The following TP53I13 variants were observed in gnomAD, a reference collection of about 807,000 sequenced individuals.
TP53I13 encodes the protein tumor protein p53-inducible protein 13.
In TP53I13, 27 loss-of-function variants were observed where a neutral mutation model predicts 39.1. The observed-to-expected ratio is 0.69, with a 90% CI of 0.51 to 0.95. The LOEUF (loss-of-function observed/expected upper bound fraction) is 0.95. Among genes scored for constraint, TP53I13 ranks in the 40% least tolerant of loss-of-function variants. TP53I13 has a pLI of 0.00. For synonymous variants in TP53I13, 230 were observed against 224.6 expected, an observed-to-expected ratio of 1.02 and a Z score of -0.22; for missense variants, 544 against 520.4, an observed-to-expected ratio of 1.05 and a Z score of -0.44.
downstream of TP53I13, among the ~76,000 whole-genome samples, chr17:29,577,469 C>T (rs2033251826): frequency 6.6e-6 from 1 of 152,190 alleles, no homozygotes; most frequent in South Asian, 2.1e-4. Flanking sequence ...CGGAGCTGCT[C>T]CCCAAGTGCT....
At chr17:29,582,189 G>C in the TP53I13 span, 2 of 1,397,830 alleles carry the variant, frequency 1.4e-6, no homozygotes, top group Non-Finnish European at 1.9e-6. Flanking sequence ...TGCGTGAGGC[G>C]CACCTCCCCA....
chr17:29,575,865 A>G, downstream of TP53I13: 1 of 1,611,652 alleles, frequency 6.2e-7, no homozygotes, highest in East Asian at 2.2e-5. This position sits in a 1 kb window ranked among gnomAD's most constrained non-coding sequence, Gnocchi z 5.5. Context: ...GAGGGAGTGA[A>G]GGGCACAGCT....
the TP53I13 span, chr17:29,581,289 C>G: frequency 2.0e-6 from 3 of 1,465,922 alleles, no homozygotes; most frequent in Non-Finnish European, 2.9e-6. This position sits in a 1 kb window ranked among gnomAD's most constrained non-coding sequence, Gnocchi z 4.8. Context: ...GTCAGCCACC[C>G]ACATGGCATC....
upstream of TP53I13, chr17:29,567,269 A>T (rs1317369282): frequency 6.3e-6 from 1 of 159,130 alleles, no homozygotes; most frequent in Admixed American, 6.5e-5. The surrounding 1 kb of genome is among the most constrained non-coding windows in gnomAD (Gnocchi z 6.6). Context: ...TGGGGAGGGC[A>T]CGAGCCGGGG....
the TP53I13 span, chr17:29,581,300 C>G: frequency 6.4e-7 from 1 of 1,556,644 alleles, no homozygotes; most frequent in Non-Finnish European, 8.9e-7. This position sits in a 1 kb window ranked among gnomAD's most constrained non-coding sequence, Gnocchi z 4.8. Flanking sequence ...ACATGGCATC[C>G]AACAGCCTCT....
Position 29,569,196 on chromosome 17 carries a change from C to T in TP53I13, c.141+110C>T, listed in dbSNP as rs2032829801. The T allele has an allele frequency of 4.7e-6, 7 of 1,475,834 alleles. No individual in the cohort carries two copies. In the East Asian group the frequency reaches 1.2e-4, roughly 25 times the overall value. The allele number at this position is 1,475,834 out of a possible 1,614,324, so 91.4% of individuals were successfully genotyped here. A position where few individuals can be genotyped will look rare whatever the true frequency, so the allele number is the denominator to read the frequency against. On this transcript the variant is annotated intron_variant, in intron 2 of 6. Coordinates refer to ENST00000301057, the MANE Select transcript of TP53I13 (RefSeq NM_138349.4). ...ACCATCTGAGGACCTCTGCCGGTTC[C>T]TCAGTCCTCAGTAGCCAACTTCTCC...
the TP53I13 span, chr17:29,582,098 C>T: frequency 1.2e-6 from 2 of 1,601,882 alleles, no homozygotes; most frequent in Non-Finnish European, 1.7e-6. Flanking sequence ...GGAGAGCAGG[C>T]GCAGACATGT....
chr17:29,575,555 C>T (rs1267305139), downstream of TP53I13: 1 of 1,564,550 alleles, frequency 6.4e-7, no homozygotes, highest in Non-Finnish European at 8.7e-7. This position sits in a 1 kb window ranked among gnomAD's most constrained non-coding sequence, Gnocchi z 5.5. Flanking sequence ...CCTTGGTCCT[C>T]ACACACTGGG....
downstream of TP53I13, chr17:29,577,122 C>T: frequency 6.2e-6 from 10 of 1,612,020 alleles, no homozygotes; most frequent in Non-Finnish European, 8.5e-6. Context: ...CACCCTCCCA[C>T]ACAACCCTCC....
At chr17:29,576,113 T>C (rs773055179), downstream of TP53I13, 1 of 1,613,740 alleles carries the variant, frequency 6.2e-7, no homozygotes, top group East Asian at 2.2e-5. Context: ...ACTGAATAGA[T>C]GGCGTCGTCC....
Position 29,572,907 on chromosome 17 carries a change from G to T in TP53I13, c.1165G>T (p.Gly389Cys). The T allele has an allele frequency of 6.6e-7, 1 of 1,506,256 alleles. No individual in the cohort carries two copies. Among genetic ancestry groups the T allele is most frequent in the Non-Finnish European group, 8.8e-7 (1 of 1,134,448 alleles). The allele number at this position is 1,506,256 out of a possible 1,614,324, so 93.3% of individuals were successfully genotyped here. ...GCCCACGCCGGACAGCGGCCCGGAA[G>T]GCGAGAGCTCGGAGTGACGGCCTGG... ...LPPTPDSGPE[G>C]ESSE The change falls in exon 7 of 7, where the codon GGC becomes TGC. Residue 389 changes from glycine (G) to cysteine (C), a missense_variant. Physicochemically the swap from Gly to Cys is radical, Grantham distance 159. Coordinates refer to ENST00000301057, the MANE Select transcript of TP53I13 (RefSeq NM_138349.4).
In TP53I13 at chr17:29,569,318, G is replaced by A; in HGVS notation, c.142G>A (p.Val48Met). 1 of 1,613,810 alleles carries A rather than the reference G, an allele frequency of 6.2e-7. No homozygotes were observed. Among genetic ancestry groups the A allele is most frequent in the South Asian group, 1.1e-5 (1 of 90,996 alleles). The change falls in exon 3 of 7, where the codon GTG (valine) becomes ATG (methionine). Residue 48 changes from valine (V) to methionine (M), a missense_variant and splice_region_variant. Transcript: ENST00000301057. ...AGCTCTGTTCTTTCCCCATGTATAG[G>A]TGTCACCAAGAGTGACCTACACACG... The part of the protein sequence containing the change: ...PESLWPLPPQ[V>M]SPRVTYTRVS...
chr17:29,572,895 A>G lies in TP53I13; in HGVS notation c.1153A>G (p.Ser385Gly), dbSNP rs1330194773. Residue 385 changes from serine to glycine, a missense_variant, in exon 7 of 7, where the codon AGC (serine) becomes GGC (glycine). By Grantham distance (56) the Ser-to-Gly change is moderately conservative. Transcript: ENST00000301057. ...RRPLLPPTPDSGPEGESSE is the reference protein window; with the variant it reads ...RRPLLPPTPDGGPEGESSE The stretch of plus-strand genomic sequence containing the variant: ...ACCCCTCCTCCCGCCCACGCCGGAC[A>G]GCGGCCCGGAAGGCGAGAGCTCGGA... 6 of 1,511,464 alleles carry G rather than the reference A, an allele frequency of 4.0e-6. No homozygotes were observed. The highest frequency in any genetic ancestry group is 5.3e-6 in the Non-Finnish European group (6 of 1,137,256). The allele number at this position is 1,511,464 out of a possible 1,614,324, so 93.6% of individuals were successfully genotyped here.
Position 29,572,913 on chromosome 17 carries a change from AG to A in TP53I13, c.1172del (p.Ser391ThrfsTer75), listed in dbSNP as rs1567764180. 50 of 1,499,148 alleles carry A rather than the reference AG, an allele frequency of 3.3e-5. No individual in the cohort carries two copies. The highest frequency in any genetic ancestry group is 8.8e-7 in the Non-Finnish European group (1 of 1,130,832). The allele number at this position is 1,499,148 out of a possible 1,614,324, so 92.9% of individuals were successfully genotyped here. Reference protein sequence around the residue: ...PTPDSGPEGESSE With the variant: ...PTPDSGPEGEXSE ...GCCGGACAGCGGCCCGGAAGGCGAG[AG>A]CTCGGAGTGACGGCCTGGGACCTGC... On this transcript the variant is annotated frameshift_variant, in exon 7 of 7. Coordinates refer to ENST00000301057, the MANE Select transcript of TP53I13 (RefSeq NM_138349.4). LOFTEE classifies it high-confidence loss of function.
downstream of TP53I13, chr17:29,575,812 C>T (rs757419252): frequency 8.1e-6 from 13 of 1,612,844 alleles, no homozygotes; most frequent in African/African-American, 1.3e-5. The surrounding 1 kb of genome is among the most constrained non-coding windows in gnomAD (Gnocchi z 5.5). Flanking sequence ...GAAACATTAC[C>T]GTGTGGCGGC....
chr17:29,580,526 T>C, the TP53I13 span, among the ~76,000 whole-genome samples: 1 of 152,246 alleles, frequency 6.6e-6, no homozygotes, highest in Non-Finnish European at 1.5e-5. Flanking sequence ...GCTGGGTGAG[T>C]GGCAGGGGGT....
upstream of TP53I13, chr17:29,566,803 G>C (rs1394844308): frequency 1.3e-6 from 2 of 1,514,224 alleles, no homozygotes; most frequent in Admixed American, 2.0e-5. Context: ...CTGGTCCGCC[G>C]GGCCTCCGCC....
downstream of TP53I13, chr17:29,577,187 G>C (rs1432944112): frequency 1.2e-6 from 2 of 1,614,014 alleles, no homozygotes; most frequent in East Asian, 2.2e-5. Flanking sequence ...GCCTCACTGA[G>C]AATGTCGATG....
downstream of TP53I13, chr17:29,573,852 GT>G: frequency 6.5e-6 from 1 of 152,840 alleles, no homozygotes; most frequent in Non-Finnish European, 1.5e-5. Flanking sequence ...GAGGGAAGTG[GT>G]TTTTGATTTA....
Sources: gnomAD v4.1 joint callset for allele counts (sites outside exome capture counted in the v4.1 genomes callset) on GRCh38, gnomAD v4.1.1 for gene constraint, Gnocchi (gnomAD v3.1) non-coding constraint, MANE v1.5 for transcripts, NCBI Gene and HGNC (gene_info 2026-07-23, HGNC 2026-07-21) for gene names.